Variants in MX2 observed in about 807,000 individuals in gnomAD.
The protein encoded by MX2 is MX dynamin like GTPase 2.
In MX2, 51 loss-of-function variants were observed where a neutral mutation model predicts 74.0. That is an observed-to-expected ratio of 0.69 (90% CI 0.55 to 0.87). The LOEUF (loss-of-function observed/expected upper bound fraction) is 0.87, where lower values mean the gene tolerates loss of function less well. Among genes scored for constraint, MX2 ranks in the 40% least tolerant of loss-of-function variants. The probability of loss-of-function intolerance (pLI) is 0.00; values close to 1 mark genes in which losing one functional copy is unlikely to be tolerated. For missense variants in MX2, 832 were observed against 908.7 expected (o/e 0.92, Z 1.09); for synonymous variants, 369 against 339.3 (o/e 1.09, Z -0.96).
chr21:41,391,870 C>T (rs774174019), intron 6 of MX2, among the ~76,000 whole-genome samples: 1 of 150,542 alleles, frequency 6.6e-6, no homozygotes, highest in Admixed American at 6.6e-5. Flanking sequence ...GCAGGATGTG[C>T]AGGTTTGTTA....
Position 41,402,275 on chromosome 21 carries a change from TGTGAGCCA to T in MX2, c.1573+149_1573+156del. On this transcript the variant is annotated intron_variant, in intron 11 of 13. Coordinates refer to ENST00000330714, the MANE Select transcript of MX2 (RefSeq NM_002463.2). This position sits in a 1 kb window ranked among gnomAD's most constrained non-coding sequence, Gnocchi z 4.5. Reference sequence around the variant, plus strand: ...TGCTAGATTGCTACTCTGTGTGGTCTGTGAGCCAGCAGCACTGGCAAGGCCTGAGAGCT... The same window carrying T: ...TGCTAGATTGCTACTCTGTGTGGTCTGCAGCACTGGCAAGGCCTGAGAGCT... 1.0e-6 allele frequency: 1 copy of T among 956,776 alleles called. No homozygotes were observed. 59.3% of individuals were successfully genotyped at this position (956,776 alleles called of 1,614,324 possible). A position where few individuals can be genotyped will look rare whatever the true frequency, so the allele number is the denominator to read the frequency against.
chr21:41,366,654 G>T lies in MX2; in HGVS notation c.-72+4599G>T, dbSNP rs895158255. On this transcript the variant is annotated intron_variant, in intron 1 of 13. Transcript: ENST00000330714. This position sits in a 1 kb window ranked among gnomAD's most constrained non-coding sequence, Gnocchi z 4.5. ...AAGTCCCTTCCCTGGGAGAGCCTCA[G>T]TGATCCCTGCACAAGACCAGCCGTC... The T allele has an allele frequency of 6.6e-6, 1 of 152,294 alleles. No homozygotes were observed. Among genetic ancestry groups the T allele is most frequent in the African/African-American group, 2.4e-5 (1 of 41,446 alleles). 9.4% of individuals were successfully genotyped at this position (152,294 alleles called of 1,614,324 possible).
At chr21:41,393,014 G>A (rs1034592512) in intron 6 of MX2, among the ~76,000 whole-genome samples, 7 of 147,460 alleles carry the variant, frequency 4.7e-5, no homozygotes, top group East Asian at 4.1e-4. Flanking sequence ...GCTGAGGCAC[G>A]AGAATCGCTT....
rs2089508345 is a variant in MX2, at chr21:41,382,405, C to T, written c.578-5C>T. 1.2e-6 allele frequency: 2 copies of T among 1,613,828 alleles called. No individual in the cohort carries two copies. Among genetic ancestry groups the T allele is most frequent in the Non-Finnish European group, 1.7e-6 (2 of 1,179,874 alleles). ...TCTGGGTTTCTCCCCTCCTGGCCTC[C>T]ATAGCCCAGAACGTCATGGCCGGGA... On this transcript the variant is annotated splice_region_variant and splice_polypyrimidine_tract_variant and intron_variant, in intron 4 of 13. Transcript: ENST00000330714.
chr21:41,382,663 G>A, intron 5 of MX2, 99 bp downstream of exon 5: 1 of 1,489,304 alleles, frequency 6.7e-7, no homozygotes, highest in Non-Finnish European at 9.2e-7. Flanking sequence ...TTTACACTGA[G>A]GGATGAGGAT....
rs1303776813 is a variant in MX2 at position 41,390,634 on chromosome 21, G to A, written c.802G>A (p.Val268Met). 6.2e-6 allele frequency: 10 copies of A among 1,614,208 alleles called. No homozygotes were observed. The East Asian group carries it at 8.9e-5, about 14-fold the overall frequency. The change falls in exon 6 of 14, where the codon GTG (valine) becomes ATG (methionine). Residue 268 changes from valine (V) to methionine (M), a missense_variant. Physicochemically the swap from Val to Met is conservative, Grantham distance 21 (BLOSUM62 1). Coordinates refer to ENST00000330714, the MANE Select transcript of MX2 (RefSeq NM_002463.2). The part of the protein sequence containing the change: ...TINLVVVPCN[V>M]DIATTEALSM... Reference sequence around the variant, plus strand: ...CAACTTGGTGGTGGTTCCCTGTAACGTGGACATTGCCACCACGGAGGCGCT... The same window carrying A: ...CAACTTGGTGGTGGTTCCCTGTAACATGGACATTGCCACCACGGAGGCGCT...
chr21:41,403,325 C>T lies in MX2; in HGVS notation c.1632C>T (p.Asn544=), dbSNP rs1353647011. 4 of 1,613,536 alleles carry T rather than the reference C, an allele frequency of 2.5e-6. No individual in the cohort carries two copies. Among genetic ancestry groups the T allele is most frequent in the Non-Finnish European group, 3.4e-6 (4 of 1,179,756 alleles). ...VAKKHFGEFF[N]LNQTVQSTIE... Reference sequence around the variant, plus strand: ...AAAAACATTTTGGCGAATTTTTCAACCTTAACCAAACTGTTCAGGTAAGCA... The same window carrying T: ...AAAAACATTTTGGCGAATTTTTCAATCTTAACCAAACTGTTCAGGTAAGCA... The change falls in exon 12 of 14, where the codon AAC becomes AAT. Residue 544 remains asparagine (N), a synonymous_variant. Transcript: ENST00000330714.
At chr21:41,384,460 A>T (rs9305738) in intron 5 of MX2, among the ~76,000 whole-genome samples, 56,234 of 152,118 alleles carry the variant, frequency 0.37, 15,797 homozygotes, top group African/African-American at 0.79. Flanking sequence ...GGGGGAAATA[A>T]GTGTGCGGTC....
Position 41,399,269 on chromosome 21 carries a change from G to A in MX2, c.1346G>A (p.Arg449His), listed in dbSNP as rs367899823. The A allele has an allele frequency of 3.7e-5, 59 of 1,613,648 alleles. No individual in the cohort carries two copies. Among genetic ancestry groups the A allele is most frequent in the Middle Eastern group, 1.6e-4 (1 of 6,082 alleles). ...GEEVVRENET[R>H]LYNKIREDFK... is the part of the protein sequence containing the mutation. ...GAAGTTGTAAGGGAGAATGAGACCC[G>A]TTTATACAACAAAATCAGAGAGGAT... The change falls in exon 10 of 14, where the codon CGT becomes CAT. Residue 449 changes from arginine (R) to histidine (H), a missense_variant. Coordinates refer to ENST00000330714, the MANE Select transcript of MX2 (RefSeq NM_002463.2).
intron 13 of MX2, among the ~76,000 whole-genome samples, chr21:41,407,505 A>G (rs1208109254): frequency 6.6e-6 from 1 of 152,184 alleles, no homozygotes; most frequent in African/African-American, 2.4e-5. Flanking sequence ...CACTGTTCCC[A>G]GGAAGAAAAA....
In MX2 at chr21:41,380,569, C is replaced by T. The variant is rs959267301; in HGVS notation, c.577+418C>T. 6.6e-6 allele frequency among the ~76,000 whole-genome samples: 1 copy of T among 152,182 alleles called. No homozygotes were observed. The highest frequency in any genetic ancestry group is 2.4e-5 in the African/African-American group (1 of 41,440). On this transcript the variant is annotated intron_variant, in intron 4 of 13. Transcript: ENST00000330714. The surrounding 1 kb of genome is among the most constrained non-coding windows in gnomAD (Gnocchi z 4.3). ...CCCCTTTGGAAATGCTGCTGCAGGA[C>T]CCCTGGTCCCACCCCAGGTGTCACA...
chr21:41,377,218 A>C (rs1384114378), intron 2 of MX2, 63 bp downstream of exon 2: 1 of 1,590,136 alleles, frequency 6.3e-7, no homozygotes, highest in Admixed American at 1.7e-5. Flanking sequence ...GAGGGCTGTC[A>C]TGTAAGCCCA....
In MX2 at chr21:41,380,324, G is replaced by A. The variant is rs546202477; in HGVS notation, c.577+173G>A. On this transcript the variant is annotated intron_variant, in intron 4 of 13. Transcript: ENST00000330714. This position sits in a 1 kb window ranked among gnomAD's most constrained non-coding sequence, Gnocchi z 4.3. ...ACCTCCACCATCCCTCCAGGTCCTTGTCCAGGTCCCCTCTCATCGAGTCAT... is the reference window on the plus strand; with the variant it reads ...ACCTCCACCATCCCTCCAGGTCCTTATCCAGGTCCCCTCTCATCGAGTCAT... 1.3e-5 allele frequency among the ~76,000 whole-genome samples: 2 copies of A among 152,158 alleles called. No individual in the cohort carries two copies. The highest frequency in any genetic ancestry group is 4.8e-5 in the African/African-American group (2 of 41,516).
intron 1 of MX2, among the ~76,000 whole-genome samples, chr21:41,370,057 A>G (rs1013098200): frequency 6.6e-6 from 1 of 152,240 alleles, no homozygotes; most frequent in Non-Finnish European, 1.5e-5. Context: ...AGTGTTCCCC[A>G]GAGCTCCGCC....
intron 1 of MX2, among the ~76,000 whole-genome samples, chr21:41,367,484 G>A (rs763337157): frequency 8.5e-5 from 13 of 152,110 alleles, no homozygotes; most frequent in African/African-American, 2.4e-4. Flanking sequence ...TGCAGAACCC[G>A]GCAATGGCTA....
intron 5 of MX2, among the ~76,000 whole-genome samples, chr21:41,384,038 G>A (rs747938951): frequency 1.4e-4 from 21 of 152,130 alleles, no homozygotes; most frequent in South Asian, 2.1e-4. Context: ...TGCCGTTCTC[G>A]TGATTGAGGG....
At chr21:41,404,440 G>A (rs963630377) in intron 12 of MX2, 8 of 152,246 alleles carry the variant, frequency 5.3e-5, no homozygotes, top group Admixed American at 2.0e-4. Flanking sequence ...GCCTCGATCC[G>A]AGATTTATTT....
intron 1 of MX2, chr21:41,367,214 T>C (rs2089273317): frequency 6.6e-6 from 1 of 152,208 alleles, no homozygotes. Flanking sequence ...GCAAGGTAAT[T>C]TGTTGTGACT....
rs185117959 is a variant in MX2 at position 41,408,267 on chromosome 21, G to A, written c.*34G>A. 24 of 1,608,720 alleles carry A rather than the reference G, an allele frequency of 1.5e-5. No homozygotes were observed. The African/African-American group carries it at 1.6e-4, about 11-fold the overall frequency. On this transcript the variant is annotated 3_prime_UTR_variant, in exon 14 of 14. Transcript: ENST00000330714. ...GATGCCTGTGGTTGTTTTCTTGTGC[G>A]TACTCATTCATTCTAAGGGGAGTCG...
Sources: gnomAD v4.1 joint callset for allele counts (sites outside exome capture counted in the v4.1 genomes callset) on GRCh38, gnomAD v4.1.1 for gene constraint, Gnocchi (gnomAD v3.1) non-coding constraint, MANE v1.5 for transcripts, NCBI Gene and HGNC (gene_info 2026-07-23, HGNC 2026-07-21) for gene names.